Variants in TRPS1 observed in about 807,000 individuals in gnomAD.
TRPS1 encodes the protein transcriptional repressor GATA binding 1.
In TRPS1, 6 loss-of-function variants were observed where a neutral mutation model predicts 101.2. The observed-to-expected ratio is 0.06, with a 90% confidence interval of 0.03 to 0.12. The LOEUF (loss-of-function observed/expected upper bound fraction) is 0.12. Among genes scored for constraint, TRPS1 ranks in the 10% least tolerant of loss-of-function variants. The pLI is 1.00. For missense variants in TRPS1, 1,363 were observed against 1,567.0 expected, an observed-to-expected ratio of 0.87 and a Z score of 2.20; for synonymous variants, 578 against 589.8, an observed-to-expected ratio of 0.98 and a Z score of 0.29.
At chr8:115,656,412 G>C (rs16887613) in intron 1 of TRPS1, among the ~76,000 whole-genome samples, 1 of 151,892 alleles carries the variant, frequency 6.6e-6, no homozygotes, top group Non-Finnish European at 1.5e-5. Flanking sequence ...CCTGTGTCTG[G>C]GCAGTATTTT....
chr8:115,500,385 AG>A, intron 5 of TRPS1, among the ~76,000 whole-genome samples: 1 of 152,188 alleles, frequency 6.6e-6, no homozygotes, highest in East Asian at 1.9e-4. Flanking sequence ...CAAAACAGTC[AG>A]TGTAAGATTT....
intron 5 of TRPS1, among the ~76,000 whole-genome samples, chr8:115,441,578 C>A (rs1247632935): frequency 6.6e-6 from 1 of 152,152 alleles, no homozygotes; most frequent in Non-Finnish European, 1.5e-5. Context: ...CCGTCAACCA[C>A]AGCATTCTGT....
rs548754094 is a variant in TRPS1, at chr8:115,524,470, G to A, written c.2700+62531C>T. Among the ~76,000 whole-genome samples, 102 of 151,610 alleles carry A rather than the reference G, an allele frequency of 6.7e-4. 1 individual carries two copies. Among genetic ancestry groups the A allele is most frequent in the Non-Finnish European group, 1.1e-3 (77 of 67,838 alleles). ...TGAGTAGCTGGGATTACAGGCATGC[G>A]CCACCACGCCCAGCTAATTTTTGTA... On this transcript the variant is annotated intron_variant, in intron 5 of 6. Coordinates refer to ENST00000395715, the MANE Select transcript of TRPS1 (RefSeq NM_014112.5).
chr8:115,577,290 G>A (rs1817340713), intron 5 of TRPS1, among the ~76,000 whole-genome samples: 1 of 152,018 alleles, frequency 6.6e-6, no homozygotes, highest in Non-Finnish European at 1.5e-5. Context: ...CCATATAGAA[G>A]AGTGGCTTAA....
At chr8:115,474,728 G>C (rs1386212808) in intron 5 of TRPS1, among the ~76,000 whole-genome samples, 1 of 152,024 alleles carries the variant, frequency 6.6e-6, no homozygotes, top group Non-Finnish European at 1.5e-5. Context: ...TGGAATATAA[G>C]GCAAATTTCG....
At chr8:115,500,862 C>A (rs569298027) in intron 5 of TRPS1, among the ~76,000 whole-genome samples, 3 of 152,142 alleles carry the variant, frequency 2.0e-5, no homozygotes, top group Non-Finnish European at 2.9e-5. Context: ...CAGGAGCCAC[C>A]GCGCCCGACC....
intron 5 of TRPS1, among the ~76,000 whole-genome samples, chr8:115,524,503 T>C (rs1333077554): frequency 6.6e-6 from 1 of 151,924 alleles, no homozygotes; most frequent in Non-Finnish European, 1.5e-5. Context: ...GTATTTTTAG[T>C]AGAGACAGGG....
rs370010406 is a variant in TRPS1, at chr8:115,414,057, G to A, written c.3851C>T (p.Ala1284Val). 10 of 1,613,328 alleles carry A rather than the reference G, an allele frequency of 6.2e-6. No homozygotes were observed. Among genetic ancestry groups the A allele is most frequent in the Non-Finnish European group, 8.5e-6 (10 of 1,179,680 alleles). ...AGGTTTTCCATTTTTTTCCACTTGTGCATTGTTCCTATGCAGGCCCCTCTG... is the reference window on the plus strand; with the variant it reads ...AGGTTTTCCATTTTTTTCCACTTGTACATTGTTCCTATGCAGGCCCCTCTG... ...HIQRGLHRNN[A>V]QVEKNGKPKE Residue 1284 changes from alanine to valine, a missense_variant, in exon 7 of 7, where the codon GCA (alanine) becomes GTA (valine). By Grantham distance (64) the Ala-to-Val change is moderately conservative (BLOSUM62 0). This residue lies in a region of TRPS1 where 307 missense variants were observed against 392.4 expected (regional missense o/e 0.78). Transcript: ENST00000395715. The surrounding 1 kb of genome is among the most constrained non-coding windows in gnomAD (Gnocchi z 4.8).
chr8:115,597,823 T>G (rs184292651), intron 4 of TRPS1, among the ~76,000 whole-genome samples: 5 of 152,298 alleles, frequency 3.3e-5, no homozygotes, highest in African/African-American at 1.2e-4. Context: ...CATAGGCTAT[T>G]TGTAATAAAT....
intron 5 of TRPS1, among the ~76,000 whole-genome samples, chr8:115,453,848 A>T (rs888286160): frequency 1.3e-5 from 2 of 152,248 alleles, no homozygotes; most frequent in African/African-American, 4.8e-5. Flanking sequence ...TGGTGTATAC[A>T]TTTGGTCTTG....
chr8:115,520,346 T>G (rs1815827862), intron 5 of TRPS1, among the ~76,000 whole-genome samples: 1 of 151,734 alleles, frequency 6.6e-6, no homozygotes, highest in Admixed American at 6.6e-5. Context: ...ACTGGGTATT[T>G]TCCAGGCTCA....
Position 115,605,016 on chromosome 8 carries a change from G to T in TRPS1, c.967-14C>A, listed in dbSNP as rs200044397. On this transcript the variant is annotated splice_polypyrimidine_tract_variant and intron_variant, in intron 3 of 6. Coordinates refer to ENST00000395715, the MANE Select transcript of TRPS1 (RefSeq NM_014112.5). ...ACCTGAAGTCACCTGGAGAACAGAA[G>T]AAATGGACTTTACTTCCAAGGTGTC... 1.9e-6 allele frequency: 3 copies of T among 1,611,440 alleles called. No individual in the cohort carries two copies. In the South Asian group the frequency reaches 3.3e-5, roughly 18 times the overall value.
At chr8:115,527,298 T>C (rs1237424413) in intron 5 of TRPS1, among the ~76,000 whole-genome samples, 1 of 152,004 alleles carries the variant, frequency 6.6e-6, no homozygotes, top group East Asian at 1.9e-4. Flanking sequence ...AATGATATCG[T>C]TTAGGTGAGT....
intron 3 of TRPS1, among the ~76,000 whole-genome samples, chr8:115,612,850 C>G (rs1818200862): frequency 6.6e-6 from 1 of 152,192 alleles, no homozygotes; most frequent in South Asian, 2.1e-4. Context: ...CCAGCACACT[C>G]AAATTGGACA....
rs1036508014 is a variant in TRPS1 at position 115,410,982 on chromosome 8, A to T, written c.*3041T>A. 6.6e-6 allele frequency: 1 copy of T among 151,772 alleles called. No homozygotes were observed. Among genetic ancestry groups the T allele is most frequent in the Admixed American group, 6.6e-5 (1 of 15,188 alleles). The allele number at this position is 151,772 out of a possible 1,614,324, so 9.4% of individuals were successfully genotyped here. ...CAGAAATCTTAAATTAAAAAAATAA[A>T]TTTTATAATATATCTTGAGAGATGG... On this transcript the variant is annotated 3_prime_UTR_variant, in exon 7 of 7. Coordinates refer to ENST00000395715, the MANE Select transcript of TRPS1 (RefSeq NM_014112.5).
At chr8:115,592,201 A>G (rs566475118) in intron 4 of TRPS1, among the ~76,000 whole-genome samples, 1 of 152,296 alleles carries the variant, frequency 6.6e-6, no homozygotes, top group African/African-American at 2.4e-5. Flanking sequence ...TTCTTATCCC[A>G]CTGAACCAGA....
At chr8:115,487,489 G>C (rs1265302681) in intron 5 of TRPS1, among the ~76,000 whole-genome samples, 1 of 152,120 alleles carries the variant, frequency 6.6e-6, no homozygotes, top group Non-Finnish European at 1.5e-5. Flanking sequence ...TGCTCTGATG[G>C]ATCTGGGCAA....
Position 115,534,093 on chromosome 8 carries a change from G to A in TRPS1, c.2700+52908C>T, listed in dbSNP as rs1271363097. On this transcript the variant is annotated intron_variant, in intron 5 of 6. Coordinates refer to ENST00000395715, the MANE Select transcript of TRPS1 (RefSeq NM_014112.5). Reference sequence around the variant, plus strand: ...TAACCCCGATACCATCACACTGGAGGCTGAAGCTCTAACCCTGATACCATC... The same window carrying A: ...TAACCCCGATACCATCACACTGGAGACTGAAGCTCTAACCCTGATACCATC... Among the ~76,000 whole-genome samples, 10 of 134,522 alleles carry A rather than the reference G, an allele frequency of 7.4e-5. No individual in the cohort carries two copies. The South Asian group carries it at 1.2e-3, about 16-fold the overall frequency. The allele number at this position is 134,522 out of a possible 152,430, so 88.3% of individuals were successfully genotyped here.
At chr8:115,625,730 A>G (rs1818490719) in intron 1 of TRPS1, among the ~76,000 whole-genome samples, 1 of 151,944 alleles carries the variant, frequency 6.6e-6, no homozygotes, top group Admixed American at 6.6e-5. Flanking sequence ...AATTTCATAA[A>G]CAAATATGTG....
Sources: gnomAD v4.1 joint callset for allele counts (sites outside exome capture counted in the v4.1 genomes callset) on GRCh38, gnomAD v4.1.1 for gene constraint, gnomAD v4.1.1 regional missense constraint, Gnocchi (gnomAD v3.1) non-coding constraint, MANE v1.5 for transcripts, NCBI Gene and HGNC (gene_info 2026-07-23, HGNC 2026-07-21) for gene names.